The following TENM4 variants were observed in gnomAD, a reference collection of about 807,000 sequenced individuals.
TENM4 encodes teneurin transmembrane protein 4, also known as teneurin-4.
TENM4 carries 82 observed loss-of-function variants against 243.3 expected under a neutral mutation model. The ratio of observed to expected loss-of-function variants is 0.34; its 90% confidence interval spans 0.28 to 0.40. The LOEUF is 0.40. Among genes scored for constraint, TENM4 ranks in the 10% least tolerant of loss-of-function variants. TENM4 has a pLI of 1.00. For synonymous variants in TENM4, 1,412 were observed against 1,456.3 expected (o/e 0.97, Z 0.69); for missense variants, 3,138 against 3,673.3 (o/e 0.85, Z 3.77).
chr11:79,070,017 C>G lies in TENM4; in HGVS notation c.-65-8G>C. On this transcript the variant is annotated splice_polypyrimidine_tract_variant and splice_region_variant and intron_variant, in intron 4 of 33. Coordinates refer to ENST00000278550, the MANE Select transcript of TENM4 (RefSeq NM_001098816.3). ...CACTCAGGGCCGAGTGGTCTAGAGC[C>G]AGGGAAACCAAAGATAGGGCGTGAG... The G allele has an allele frequency of 6.7e-7, 1 of 1,496,570 alleles. No homozygotes were observed. Among genetic ancestry groups the G allele is most frequent in the Non-Finnish European group, 8.9e-7 (1 of 1,125,918 alleles). 92.7% of individuals were successfully genotyped at this position (1,496,570 alleles called of 1,614,324 possible).
chr11:78,706,507 C>T (rs917003778), intron 27 of TENM4, among the ~76,000 whole-genome samples: 4 of 152,110 alleles, frequency 2.6e-5, no homozygotes, highest in Non-Finnish European at 2.9e-5. Flanking sequence ...GTGACACCTG[C>T]GCAAATGTGT....
At chr11:79,398,535 G>A (rs985808527) in intron 1 of TENM4, among the ~76,000 whole-genome samples, 4 of 151,938 alleles carry the variant, frequency 2.6e-5, no homozygotes, top group South Asian at 2.1e-4. Context: ...CACTGAGTGC[G>A]GACAGGAATA....
intron 24 of TENM4, 80 bp from the exon 25 acceptor site, chr11:78,720,470 G>A: frequency 6.7e-7 from 1 of 1,498,632 alleles, no homozygotes; most frequent in East Asian, 2.3e-5. Context: ...TTAGCAGCCT[G>A]AAAACTTGAC....
At chr11:79,063,755 C>T (rs1421638076) in intron 6 of TENM4, among the ~76,000 whole-genome samples, 3 of 152,164 alleles carry the variant, frequency 2.0e-5, no homozygotes. Context: ...AAACTGGGCC[C>T]CCTTTCCTCC....
chr11:79,098,888 AAAT>A (rs1861152107), intron 4 of TENM4, among the ~76,000 whole-genome samples: 1 of 152,208 alleles, frequency 6.6e-6, no homozygotes, highest in Non-Finnish European at 1.5e-5. Context: ...GAACTTGGGG[AAAT>A]GAGTCAACTT....
chr11:78,672,928 C>T (rs1242738502), intron 30 of TENM4, among the ~76,000 whole-genome samples: 2 of 151,976 alleles, frequency 1.3e-5, no homozygotes, highest in African/African-American at 4.8e-5. Flanking sequence ...GTGTCTCCTG[C>T]TTGCCACTAC....
intron 27 of TENM4, among the ~76,000 whole-genome samples, chr11:78,707,870 T>C (rs1256678776): frequency 6.6e-6 from 1 of 152,240 alleles, no homozygotes; most frequent in Non-Finnish European, 1.5e-5. Flanking sequence ...AGAAAGTTAC[T>C]GAGTGAGTGA....
intron 6 of TENM4, among the ~76,000 whole-genome samples, chr11:79,009,364 A>G (rs773465987): frequency 1.2e-4 from 18 of 152,236 alleles, no homozygotes; most frequent in Non-Finnish European, 2.1e-4. Flanking sequence ...TCAAGCAAGT[A>G]TTTTATTGTT....
At chr11:78,745,581 G>C (rs1856031433) in intron 19 of TENM4, among the ~76,000 whole-genome samples, 1 of 152,130 alleles carries the variant, frequency 6.6e-6, no homozygotes, top group Non-Finnish European at 1.5e-5. Flanking sequence ...AATGCCTCAT[G>C]TGCTGGTCCA....
chr11:78,889,893 G>A lies in TENM4; in HGVS notation c.976C>T (p.Pro326Ser). The change falls in exon 9 of 34, where the codon CCG (proline) becomes TCG (serine). Residue 326 changes from proline to serine, a missense_variant. Transcript: ENST00000278550. ...RPLPRSTFAR[P>S]AFNLKKPSKY... is the part of the protein sequence containing the mutation. ...GAGGGCTTCTTGAGGTTAAAGGCCGGCCGGGCGAAGGTGCTGCGGGGCAGG... is the reference window on the plus strand; with the variant it reads ...GAGGGCTTCTTGAGGTTAAAGGCCGACCGGGCGAAGGTGCTGCGGGGCAGG... 1 of 1,551,802 alleles carries A rather than the reference G, an allele frequency of 6.4e-7. No individual in the cohort carries two copies. Among genetic ancestry groups the A allele is most frequent in the South Asian group, 1.2e-5 (1 of 84,062 alleles).
intron 12 of TENM4, among the ~76,000 whole-genome samples, chr11:78,827,188 T>C (rs1565396041): frequency 6.6e-6 from 1 of 152,226 alleles, no homozygotes; most frequent in African/African-American, 2.4e-5. Flanking sequence ...ATTTTTGAAA[T>C]AGAGTCTGTC....
intron 4 of TENM4, among the ~76,000 whole-genome samples, chr11:79,115,863 T>C (rs1032516283): frequency 2.2e-4 from 33 of 152,206 alleles, no homozygotes; most frequent in African/African-American, 8.0e-4. Context: ...AGATATGTCC[T>C]TCTATGTAAT....
chr11:79,308,399 T>C (rs1392782274), intron 1 of TENM4, among the ~76,000 whole-genome samples: 2 of 152,238 alleles, frequency 1.3e-5, no homozygotes, highest in Admixed American at 1.3e-4. Flanking sequence ...GGCAGGTCTA[T>C]TAACTATCAT....
chr11:78,865,545 C>G (rs911478998), intron 9 of TENM4, among the ~76,000 whole-genome samples: 4 of 152,148 alleles, frequency 2.6e-5, no homozygotes, highest in African/African-American at 9.7e-5. Context: ...AGAGGGAACT[C>G]TGTTACCTGG....
At chr11:79,146,570 G>A (rs1417026808) in intron 4 of TENM4, among the ~76,000 whole-genome samples, 4 of 151,960 alleles carry the variant, frequency 2.6e-5, no homozygotes, top group Non-Finnish European at 5.9e-5. Context: ...CAGGGGCATG[G>A]TCTTATGGAA....
intron 24 of TENM4, among the ~76,000 whole-genome samples, chr11:78,720,906 G>A (rs762411451): frequency 2.6e-5 from 4 of 151,958 alleles, no homozygotes; most frequent in Non-Finnish European, 5.9e-5. Context: ...AAAAAAGACT[G>A]GAAGAAAAAA....
chr11:78,805,277 T>TGCG lies in TENM4; in HGVS notation c.2179+14_2179+15insCGC. 7.1e-7 allele frequency: 1 copy of TGCG among 1,402,550 alleles called. No homozygotes were observed. The highest frequency in any genetic ancestry group is 9.7e-7 in the Non-Finnish European group (1 of 1,033,116). The allele number at this position is 1,402,550 out of a possible 1,614,324, so 86.9% of individuals were successfully genotyped here. A position where few individuals can be genotyped will look rare whatever the true frequency, so the allele number is the denominator to read the frequency against. ...CCCCTCCCTCTACCCATGCTTCTTC[T>TGCG]CCCCCTGCATTTACCGATAGAACAG... is the stretch of plus-strand genomic sequence containing the variant. On this transcript the variant is annotated intron_variant, in intron 15 of 33. Coordinates refer to ENST00000278550, the MANE Select transcript of TENM4 (RefSeq NM_001098816.3).
chr11:79,347,927 C>T (rs1453418847), intron 1 of TENM4, among the ~76,000 whole-genome samples: 1 of 151,712 alleles, frequency 6.6e-6, no homozygotes, highest in Non-Finnish European at 1.5e-5. Context: ...CTACAGGCGC[C>T]CGCCACCGCG....
At position 78,896,976 on chromosome 11, in the gene TENM4, G is replaced by A. The variant is rs116721929; in HGVS notation, c.750-5640C>T. Among the ~76,000 whole-genome samples, 635 of 152,260 alleles carry A rather than the reference G, an allele frequency of 4.2e-3. 8 individuals are homozygous for A. The highest frequency in any genetic ancestry group is 0.015 in the African/African-American group (604 of 41,556). On this transcript the variant is annotated intron_variant, in intron 7 of 33. Transcript: ENST00000278550. ...CTTCTTATAACAGTGGCCCTGGGCT[G>A]GCATCTGGGAACTCAGGTTTCAGGA...
Sources: allele counts gnomAD v4.1 joint callset (sites outside exome capture counted in the v4.1 genomes callset), GRCh38; gene constraint gnomAD v4.1.1; transcripts MANE v1.5; gene names NCBI Gene and HGNC (gene_info 2026-07-23, HGNC 2026-07-21).